The following EYS variants were observed in gnomAD, a reference collection of about 807,000 sequenced individuals.
EYS encodes the protein EGF-like photoreceptor maintenance factor.
Under a neutral mutation model 282.1 loss-of-function variants are expected in EYS, and 250 were observed. The ratio of observed to expected loss-of-function variants is 0.89; its 90% CI spans 0.80 to 0.98. The LOEUF (loss-of-function observed/expected upper bound fraction) is 0.98, where lower values mean the gene tolerates loss of function less well. Ranked by LOEUF, EYS falls within the 50% of genes least tolerant of loss-of-function variation. The pLI, the probability that EYS is intolerant of heterozygous loss-of-function variation, is 0.00. For missense variants in EYS, 4,016 were observed against 3,709.0 expected (o/e 1.08, Z -2.15); for synonymous variants, 1,355 against 1,282.9 (o/e 1.06, Z -1.20).
intron 24 of EYS, among the ~76,000 whole-genome samples, chr6:64,596,297 A>G (rs1205256880): frequency 6.6e-6 from 1 of 152,198 alleles, no homozygotes; most frequent in African/African-American, 2.4e-5. Flanking sequence ...ATTCAAAGCA[A>G]TCTACAGATT....
At chr6:65,649,833 T>G (rs1313452500) in intron 1 of EYS, among the ~76,000 whole-genome samples, 1 of 152,146 alleles carries the variant, frequency 6.6e-6, no homozygotes, top group Non-Finnish European at 1.5e-5. Flanking sequence ...GAACCAAAAG[T>G]CACCTGTAGA....
At chr6:65,030,469 C>A (rs1174268241) in intron 13 of EYS, among the ~76,000 whole-genome samples, 1 of 152,154 alleles carries the variant, frequency 6.6e-6, no homozygotes, top group Non-Finnish European at 1.5e-5. Flanking sequence ...GATTTGCTGG[C>A]ACCTGTGTAG....
rs57976797 is a variant in EYS, at chr6:64,808,653, T to C, written c.3443+4725A>G. On this transcript the variant is annotated intron_variant, in intron 22 of 42. Coordinates refer to ENST00000503581, the MANE Select transcript of EYS (RefSeq NM_001142800.2). Reference sequence around the variant, plus strand: ...TTTTTTTTTTCTTTCTTCATCAAAATACAACTCTTCTGTGTTGATATCTGT... The same window carrying C: ...TTTTTTTTTTCTTTCTTCATCAAAACACAACTCTTCTGTGTTGATATCTGT... Among the ~76,000 whole-genome samples the C allele has an allele frequency of 9.4e-3, 1,429 of 152,086 alleles. 21 individuals are homozygous for C. The highest frequency in any genetic ancestry group is 0.033 in the African/African-American group (1,359 of 41,522).
intron 22 of EYS, among the ~76,000 whole-genome samples, chr6:64,673,023 G>T (rs1314346249): frequency 6.6e-6 from 1 of 152,086 alleles, no homozygotes; most frequent in Non-Finnish European, 1.5e-5. Flanking sequence ...TATCTTTATA[G>T]TTAGTCTTGC....
intron 2 of EYS, among the ~76,000 whole-genome samples, chr6:65,629,050 AAAGTC>A (rs1328002300): frequency 6.6e-6 from 1 of 152,224 alleles, no homozygotes; most frequent in Non-Finnish European, 1.5e-5. Flanking sequence ...GATTCACAGT[AAAGTC>A]AAGTGTATGA....
At chr6:64,789,684 A>G (rs111511960) in intron 22 of EYS, among the ~76,000 whole-genome samples, 25 of 152,020 alleles carry the variant, frequency 1.6e-4, no homozygotes, top group African/African-American at 5.1e-4. Context: ...CCTGTACACC[A>G]CTTCCTGTGC....
At chr6:64,662,841 T>G (rs1449824844) in intron 22 of EYS, among the ~76,000 whole-genome samples, 1 of 152,134 alleles carries the variant, frequency 6.6e-6, no homozygotes, top group Admixed American at 6.6e-5. Flanking sequence ...AAATAATGGA[T>G]TTAGATTCTG....
chr6:63,891,482 A>T (rs1322159996), intron 35 of EYS, among the ~76,000 whole-genome samples: 1 of 152,348 alleles, frequency 6.6e-6, no homozygotes, highest in African/African-American at 2.4e-5. Flanking sequence ...CCAATGAAAA[A>T]AACCACATGA....
chr6:64,744,725 GAAGA>G (rs1772496790), intron 22 of EYS, among the ~76,000 whole-genome samples: 1 of 152,016 alleles, frequency 6.6e-6, no homozygotes, highest in African/African-American at 2.4e-5. Context: ...TCCCTTTTAA[GAAGA>G]AATAAAATAT....
chr6:64,952,350 A>C (rs1160541619), intron 14 of EYS, among the ~76,000 whole-genome samples: 2 of 152,054 alleles, frequency 1.3e-5, no homozygotes, highest in African/African-American at 4.8e-5. Context: ...TGACTTATAT[A>C]ATTTTAAGCA....
intron 1 of EYS, among the ~76,000 whole-genome samples, chr6:65,700,807 C>T (rs2812778): frequency 3.2e-4 from 48 of 152,182 alleles, no homozygotes; most frequent in African/African-American, 1.1e-3. Context: ...GTTTGCCGTA[C>T]GTTCTTCAGC....
intron 14 of EYS, among the ~76,000 whole-genome samples, chr6:64,986,230 C>T (rs994931490): frequency 1.3e-5 from 2 of 151,274 alleles, no homozygotes; most frequent in Non-Finnish European, 3.0e-5. Flanking sequence ...TCAGAAGGTG[C>T]CAGGCTTATT....
chr6:64,695,577 TTTC>T (rs1770547180), intron 22 of EYS, among the ~76,000 whole-genome samples: 1 of 139,026 alleles, frequency 7.2e-6, no homozygotes, highest in Non-Finnish European at 1.5e-5. Context: ...TCATACTTTT[TTTC>T]TTTTAACTTT....
At chr6:64,076,903 G>T (rs1209210140) in intron 32 of EYS, among the ~76,000 whole-genome samples, 3 of 151,802 alleles carry the variant, frequency 2.0e-5, no homozygotes, top group Non-Finnish European at 2.9e-5. Context: ...GTTTCCCAAA[G>T]AATTATGTAG....
intron 28 of EYS, among the ~76,000 whole-genome samples, chr6:64,389,420 T>C (rs1453986534): frequency 6.6e-6 from 1 of 152,222 alleles, no homozygotes; most frequent in Non-Finnish European, 1.5e-5. Flanking sequence ...TTGTCAATAC[T>C]TTAACATGTA....
chr6:63,798,474 TA>T (rs1165909857), intron 37 of EYS, among the ~76,000 whole-genome samples: 1 of 152,188 alleles, frequency 6.6e-6, no homozygotes. Flanking sequence ...TTTTCTGTTA[TA>T]AAAAATTGAA....
chr6:65,292,172 T>C (rs1433104658), intron 12 of EYS, among the ~76,000 whole-genome samples: 1 of 151,584 alleles, frequency 6.6e-6, no homozygotes, highest in Admixed American at 6.6e-5. Context: ...TCTCCTACTT[T>C]CTCCTCTTAG....
chr6:64,001,677 T>TA (rs1460743182), intron 33 of EYS, among the ~76,000 whole-genome samples: 1 of 152,220 alleles, frequency 6.6e-6, no homozygotes, highest in African/African-American at 2.4e-5. Flanking sequence ...GTAATTTAAA[T>TA]AATTCATCCA....
intron 5 of EYS, among the ~76,000 whole-genome samples, chr6:65,470,991 G>A (rs1765189547): frequency 6.6e-6 from 1 of 152,062 alleles, no homozygotes; most frequent in African/African-American, 2.4e-5. Flanking sequence ...ACAAAAATTA[G>A]CTGGGCATGG....
Sources: gnomAD v4.1 joint callset for allele counts (sites outside exome capture counted in the v4.1 genomes callset) on GRCh38, gnomAD v4.1.1 for gene constraint, MANE v1.5 for transcripts, NCBI Gene and HGNC (gene_info 2026-07-23, HGNC 2026-07-21) for gene names.